Variants in GULP1 observed in about 807,000 individuals in gnomAD.
The protein encoded by GULP1 is PTB domain-containing engulfment adapter protein 1.
A neutral mutation model predicts 40.9 loss-of-function variants in GULP1; 19 were observed. That is an observed-to-expected ratio of 0.46 (90% CI 0.32 to 0.68). The LOEUF (loss-of-function observed/expected upper bound fraction) is 0.68, where lower values mean the gene tolerates loss of function less well. Ranked by LOEUF, GULP1 falls within the 30% of genes least tolerant of loss-of-function variation. GULP1 has a pLI of 0.03. For missense variants in GULP1, 312 were observed against 362.2 expected, an observed-to-expected ratio of 0.86 and a Z score of 1.12; for synonymous variants, 119 against 117.6, an observed-to-expected ratio of 1.01 and a Z score of -0.08.
intron 2 of GULP1, among the ~76,000 whole-genome samples, chr2:188,419,005 T>C (rs2054977273): frequency 6.6e-6 from 1 of 152,252 alleles, no homozygotes; most frequent in Admixed American, 6.5e-5. Flanking sequence ...CTTATTTCAC[T>C]TAGTACAGTG....
intron 6 of GULP1, among the ~76,000 whole-genome samples, chr2:188,532,287 TACAAAC>T (rs1449049207): frequency 6.6e-6 from 1 of 152,186 alleles, no homozygotes; most frequent in Non-Finnish European, 1.5e-5. Flanking sequence ...ATTTACAAAA[TACAAAC>T]ACAATTAAAT....
intron 1 of GULP1, among the ~76,000 whole-genome samples, chr2:188,331,823 C>A (rs1368623457): frequency 6.6e-6 from 1 of 152,110 alleles, no homozygotes; most frequent in Non-Finnish European, 1.5e-5. Context: ...ATGATTTCTA[C>A]AATTATTACA....
chr2:188,527,752 C>T (rs1686554210), intron 5 of GULP1, among the ~76,000 whole-genome samples: 1 of 152,064 alleles, frequency 6.6e-6, no homozygotes, highest in African/African-American at 2.4e-5. Context: ...CACTTAAAGG[C>T]ATTCATATAT....
At chr2:188,426,498 A>G (rs1319472853) in intron 2 of GULP1, among the ~76,000 whole-genome samples, 2 of 152,156 alleles carry the variant, frequency 1.3e-5, no homozygotes, top group Admixed American at 6.5e-5. Context: ...CCCATAAGAG[A>G]CAGCTTTGCA....
At position 188,538,694 on chromosome 2, in the gene GULP1, A is replaced by T. The variant is rs199730304; in HGVS notation, c.262-2487A>T. 2.7e-3 allele frequency among the ~76,000 whole-genome samples: 393 copies of T among 144,790 alleles called. 5 individuals are homozygous for T. The East Asian group carries it at 0.035, about 13-fold the overall frequency. 95.0% of individuals were successfully genotyped at this position (144,790 alleles called of 152,430 possible). A position where few individuals can be genotyped will look rare whatever the true frequency, so the allele number is the denominator to read the frequency against. On this transcript the variant is annotated intron_variant, in intron 6 of 11. Coordinates refer to ENST00000409830, the MANE Select transcript of GULP1 (RefSeq NM_016315.4). Reference sequence around the variant, plus strand: ...GTATGTGTGTGTGAGTGTGTGTGTGAGTGTGTGTGTGTGTGTGTGTGTGTG... The same window carrying T: ...GTATGTGTGTGTGAGTGTGTGTGTGTGTGTGTGTGTGTGTGTGTGTGTGTG...
At chr2:188,525,166 T>A (rs1685848055) in intron 5 of GULP1, among the ~76,000 whole-genome samples, 1 of 152,032 alleles carries the variant, frequency 6.6e-6, no homozygotes, top group South Asian at 2.1e-4. Flanking sequence ...CCTTTTAAGG[T>A]TCAGATACTA....
chr2:188,300,537 T>C (rs2106049717), intron 1 of GULP1, among the ~76,000 whole-genome samples: 1 of 152,290 alleles, frequency 6.6e-6, no homozygotes, highest in Non-Finnish European at 1.5e-5. Context: ...TATGTACAAG[T>C]ACAACAAATT....
intron 2 of GULP1, among the ~76,000 whole-genome samples, chr2:188,453,680 T>TTATC (rs1195621488): frequency 5.3e-5 from 8 of 152,232 alleles, no homozygotes; most frequent in Non-Finnish European, 1.0e-4. Context: ...GTTCGAATTA[T>TTATC]TATCTTTTTC....
At chr2:188,434,283 A>G (rs1158429149) in intron 2 of GULP1, among the ~76,000 whole-genome samples, 1 of 151,670 alleles carries the variant, frequency 6.6e-6, no homozygotes, top group Non-Finnish European at 1.5e-5. Context: ...CCTTTATAAA[A>G]AATGCCTTGG....
chr2:188,350,506 G>C (rs1010464991), intron 1 of GULP1, among the ~76,000 whole-genome samples: 4 of 151,952 alleles, frequency 2.6e-5, no homozygotes, highest in African/African-American at 9.7e-5. Flanking sequence ...CCTGTGTGTA[G>C]AAATATAACT....
At chr2:188,394,849 T>C (rs1234735620) in intron 2 of GULP1, among the ~76,000 whole-genome samples, 4 of 152,238 alleles carry the variant, frequency 2.6e-5, no homozygotes, top group Non-Finnish European at 5.9e-5. Context: ...CTTTCTCAAA[T>C]GCTGGTTGTT....
In GULP1 at chr2:188,507,813, G is replaced by A. The variant is rs142785674; in HGVS notation, c.91-14943G>A. 4.5e-3 allele frequency among the ~76,000 whole-genome samples: 688 copies of A among 151,900 alleles called. 8 individuals are homozygous for A. Among genetic ancestry groups the A allele is most frequent in the African/African-American group, 0.016 (662 of 41,474 alleles). On this transcript the variant is annotated intron_variant, in intron 4 of 11. Coordinates refer to ENST00000409830, the MANE Select transcript of GULP1 (RefSeq NM_016315.4). The stretch of plus-strand genomic sequence containing the variant: ...ACAGTTCATATTTCAATTAATAAAT[G>A]GAAGTGCACAGAGTCAAGGCTCATT...
chr2:188,583,925 T>A (rs1358223270), intron 9 of GULP1, among the ~76,000 whole-genome samples: 1 of 152,236 alleles, frequency 6.6e-6, no homozygotes, highest in African/African-American at 2.4e-5. Context: ...GTTTCTAATA[T>A]ATCTAATTCT....
intron 2 of GULP1, among the ~76,000 whole-genome samples, chr2:188,417,559 T>G (rs901118312): frequency 1.3e-5 from 2 of 152,250 alleles, no homozygotes; most frequent in Non-Finnish European, 2.9e-5. Context: ...TCAACTGTTC[T>G]TTCATTTAAA....
At chr2:188,324,859 A>G (rs551696860) in intron 1 of GULP1, among the ~76,000 whole-genome samples, 1 of 152,150 alleles carries the variant, frequency 6.6e-6, no homozygotes, top group African/African-American at 2.4e-5. Context: ...ATCTCAAAGG[A>G]GAGAAAGACA....
At chr2:188,482,600 T>A (rs2061524935) in intron 3 of GULP1, among the ~76,000 whole-genome samples, 1 of 151,756 alleles carries the variant, frequency 6.6e-6, no homozygotes, top group African/African-American at 2.4e-5. Flanking sequence ...ATGTTAACAT[T>A]TTTTTCTCCC....
Position 188,303,534 on chromosome 2 carries a change from T to A in GULP1, c.-172+11368T>A, listed in dbSNP as rs536029872. On this transcript the variant is annotated intron_variant, in intron 1 of 11. Transcript: ENST00000409830. ...AAACTGTAGGTAGGAATGTTACAGATGCTGAAAGTCTGCAGTAAAGCTGTG... is the reference window on the plus strand; with the variant it reads ...AAACTGTAGGTAGGAATGTTACAGAAGCTGAAAGTCTGCAGTAAAGCTGTG... 8.3e-4 allele frequency among the ~76,000 whole-genome samples: 126 copies of A among 152,302 alleles called. No individual in the cohort carries two copies. The South Asian group carries it at 0.016, about 20-fold the overall frequency.
chr2:188,567,628 G>A (rs562112497), intron 7 of GULP1, among the ~76,000 whole-genome samples: 1 of 152,194 alleles, frequency 6.6e-6, no homozygotes, highest in South Asian at 2.1e-4. Flanking sequence ...ACACACACCA[G>A]GACCCATTAG....
intron 1 of GULP1, among the ~76,000 whole-genome samples, chr2:188,328,253 ATCTC>A (rs2041040355): frequency 1.3e-5 from 2 of 152,160 alleles, no homozygotes; most frequent in South Asian, 4.1e-4. Flanking sequence ...TAGCAACTTA[ATCTC>A]TCTATTTCCA....
Sources: gnomAD v4.1 joint callset for allele counts (sites outside exome capture counted in the v4.1 genomes callset) on GRCh38, gnomAD v4.1.1 for gene constraint, MANE v1.5 for transcripts, NCBI Gene and HGNC (gene_info 2026-07-23, HGNC 2026-07-21) for gene names.